Variants in SPOCK3 observed in about 807,000 individuals in gnomAD.
SPOCK3 encodes SPARC (osteonectin), cwcv and kazal like domains proteoglycan 3.
A neutral mutation model predicts 56.6 loss-of-function variants in SPOCK3; 30 were observed. The ratio of observed to expected loss-of-function variants is 0.53; its 90% CI spans 0.40 to 0.72. The LOEUF is 0.72. Ranked by LOEUF, SPOCK3 falls within the 30% of genes least tolerant of loss-of-function variation. The pLI, the probability that SPOCK3 is intolerant of heterozygous loss-of-function variation, is 0.00. For synonymous variants in SPOCK3, 196 were observed against 183.3 expected (o/e 1.07, Z -0.56); for missense variants, 527 against 530.0 (o/e 0.99, Z 0.06).
chr4:167,030,390 T>G (rs549141411), intron 3 of SPOCK3, among the ~76,000 whole-genome samples: 1 of 152,256 alleles, frequency 6.6e-6, no homozygotes, highest in African/African-American at 2.4e-5. Flanking sequence ...GTGCTGAATT[T>G]ATTTCTTAGC....
chr4:167,045,869 A>G (rs73861926), intron 3 of SPOCK3, among the ~76,000 whole-genome samples: 3,614 of 152,136 alleles, frequency 0.024, 124 homozygotes, highest in African/African-American at 0.082. Flanking sequence ...AAAAAAATCC[A>G]TTTTACCCTC....
At chr4:166,749,548 T>C in intron 8 of SPOCK3, among the ~76,000 whole-genome samples, 1 of 151,714 alleles carries the variant, frequency 6.6e-6, no homozygotes, top group Non-Finnish European at 1.5e-5. Context: ...ATGACGAGTT[T>C]ATGGGTGCAG....
intron 8 of SPOCK3, among the ~76,000 whole-genome samples, chr4:166,744,707 C>T (rs958265649): frequency 5.3e-5 from 8 of 152,022 alleles, no homozygotes; most frequent in Admixed American, 6.6e-5. Context: ...GGAGGATGTT[C>T]GAACCCATTG....
intron 2 of SPOCK3, among the ~76,000 whole-genome samples, chr4:167,125,110 G>T (rs971955329): frequency 2.5e-4 from 38 of 151,862 alleles, no homozygotes; most frequent in African/African-American, 8.2e-4. Flanking sequence ...TACTAATTAA[G>T]AAATTATATA....
intron 4 of SPOCK3, among the ~76,000 whole-genome samples, chr4:166,939,182 TAA>T (rs1009256922): frequency 1.2e-4 from 18 of 152,270 alleles, no homozygotes; most frequent in African/African-American, 3.8e-4. Flanking sequence ...TTTAGTAATG[TAA>T]TATAATTAAA....
intron 4 of SPOCK3, among the ~76,000 whole-genome samples, chr4:166,968,872 A>C (rs919896064): frequency 2.0e-5 from 3 of 152,206 alleles, no homozygotes; most frequent in African/African-American, 7.2e-5. Flanking sequence ...GAAAAGCTGC[A>C]ACACTCAACA....
At chr4:167,057,613 C>CA (rs1287373856) in intron 3 of SPOCK3, among the ~76,000 whole-genome samples, 13 of 151,170 alleles carry the variant, frequency 8.6e-5, no homozygotes, top group Non-Finnish European at 1.3e-4. Context: ...AAATGGAAAA[C>CA]AAAAAAAGGC....
intron 7 of SPOCK3, among the ~76,000 whole-genome samples, chr4:166,788,883 C>T (rs1741029089): frequency 6.6e-6 from 1 of 151,748 alleles, no homozygotes; most frequent in African/African-American, 2.4e-5. Context: ...TCAATGCTGG[C>T]TAATTTTTAA....
At chr4:166,908,216 G>A (rs1736838327) in intron 5 of SPOCK3, among the ~76,000 whole-genome samples, 1 of 150,794 alleles carries the variant, frequency 6.6e-6, no homozygotes, top group Non-Finnish European at 1.5e-5. Flanking sequence ...AAAATAGAAA[G>A]TTTTTGAATT....
intron 6 of SPOCK3, among the ~76,000 whole-genome samples, chr4:166,819,024 T>C (rs1560892138): frequency 6.6e-6 from 1 of 152,064 alleles, no homozygotes; most frequent in East Asian, 1.9e-4. Flanking sequence ...AATACTCTCC[T>C]GGTAATATTT....
intron 2 of SPOCK3, among the ~76,000 whole-genome samples, chr4:167,139,147 C>G (rs1013106518): frequency 1.3e-5 from 2 of 151,850 alleles, no homozygotes; most frequent in Admixed American, 1.3e-4. Context: ...CATCTGTAAG[C>G]CCATATAATA....
chr4:167,229,726 C>G (rs998002512), intron 2 of SPOCK3, among the ~76,000 whole-genome samples: 1 of 152,052 alleles, frequency 6.6e-6, no homozygotes, highest in African/African-American at 2.4e-5. Context: ...GACATGTCAG[C>G]CTGTATTTTA....
chr4:167,205,280 A>ATATATTT (rs1321593802), intron 2 of SPOCK3, among the ~76,000 whole-genome samples: 8 of 63,206 alleles, frequency 1.3e-4, no homozygotes, highest in Non-Finnish European at 1.9e-4. Context: ...AATATATATT[A>ATATATTT]TATATATTTT....
chr4:166,734,809 T>C lies in SPOCK3; in HGVS notation c.*112A>G. ...CAATTTTTCAAATAATTATACAAAA[T>C]ATATGTGAGGTTTAGAATCATTTTG... On this transcript the variant is annotated 3_prime_UTR_variant, in exon 11 of 11. Coordinates refer to ENST00000357545, the MANE Select transcript of SPOCK3 (RefSeq NM_001040159.2). The C allele has an allele frequency of 7.7e-6, 7 of 903,956 alleles. No individual in the cohort carries two copies. Among genetic ancestry groups the C allele is most frequent in the Admixed American group, 5.6e-5 (2 of 35,736 alleles). 56.0% of individuals were successfully genotyped at this position (903,956 alleles called of 1,614,324 possible). A position where few individuals can be genotyped will look rare whatever the true frequency, so the allele number is the denominator to read the frequency against.
chr4:166,775,718 T>C (rs923798380), intron 7 of SPOCK3, among the ~76,000 whole-genome samples: 1 of 152,154 alleles, frequency 6.6e-6, no homozygotes, highest in Admixed American at 6.6e-5. Flanking sequence ...GGGTGGCCCA[T>C]GAAGTGAAAA....
intron 2 of SPOCK3, among the ~76,000 whole-genome samples, chr4:167,119,555 A>G (rs1580355035): frequency 6.6e-6 from 1 of 152,190 alleles, no homozygotes; most frequent in Non-Finnish European, 1.5e-5. Context: ...CTCATCTCCA[A>G]AGTAACATCT....
intron 4 of SPOCK3, among the ~76,000 whole-genome samples, chr4:166,949,745 C>A (rs992919607): frequency 6.6e-6 from 1 of 151,852 alleles, no homozygotes; most frequent in African/African-American, 2.4e-5. Flanking sequence ...TGTCAGTCTG[C>A]CCACTACAAG....
intron 2 of SPOCK3, among the ~76,000 whole-genome samples, chr4:167,062,923 A>C (rs1028945817): frequency 5.9e-5 from 9 of 151,904 alleles, no homozygotes; most frequent in African/African-American, 1.7e-4. Flanking sequence ...AATAAGCTAT[A>C]AAGTATCTTA....
intron 4 of SPOCK3, among the ~76,000 whole-genome samples, chr4:166,970,397 T>G (rs901168932): frequency 6.6e-6 from 1 of 152,198 alleles, no homozygotes; most frequent in African/African-American, 2.4e-5. Flanking sequence ...TTTCTTGGCA[T>G]ACAGACAACT....
Sources: allele counts gnomAD v4.1 joint callset (sites outside exome capture counted in the v4.1 genomes callset), GRCh38; gene constraint gnomAD v4.1.1; transcripts MANE v1.5; gene names NCBI Gene and HGNC (gene_info 2026-07-23, HGNC 2026-07-21).